Variants in MME observed in about 807,000 individuals in gnomAD.
MME encodes membrane metalloendopeptidase.
Under a neutral mutation model 113.2 loss-of-function variants are expected in MME, and 98 were observed. The observed-to-expected ratio is 0.87, with a 90% CI of 0.74 to 1.02. The LOEUF is 1.02. MME is among the 50% of genes least tolerant of loss of function. The pLI is 0.00. For synonymous variants in MME, 292 were observed against 300.6 expected (o/e 0.97, Z 0.30); for missense variants, 836 against 896.0 (o/e 0.93, Z 0.86).
At chr3:155,080,030 G>C (rs1714974659), upstream of MME, 2 of 152,474 alleles carry the variant, frequency 1.3e-5, no homozygotes, top group African/African-American at 4.8e-5. Flanking sequence ...AGCTGAGGGA[G>C]AAAGGTCCAA....
intron 1 of MME, among the ~76,000 whole-genome samples, chr3:155,042,763 T>C (rs1368988930): frequency 6.6e-6 from 1 of 151,476 alleles, no homozygotes; most frequent in Non-Finnish European, 1.5e-5. Flanking sequence ...TGAAAGTATC[T>C]TTTCATGTTT....
rs1451085211 is a variant in MME, at chr3:155,085,087, A to C, written c.189A>C (p.Ile63=). ...DDGICKSSDC[I]KSAARLIQNM... ...GTATTTGCAAGTCATCAGACTGCAT[A>C]AAATCAGGTAAGAAATGGTTTTTAC... The change falls in exon 3 of 23, where the codon ATA becomes ATC. Residue 63 remains isoleucine (I), a synonymous_variant. Transcript: ENST00000360490. The C allele has an allele frequency of 4.4e-6, 7 of 1,583,660 alleles. No homozygotes were observed. The highest frequency in any genetic ancestry group is 6.1e-6 in the Non-Finnish European group (7 of 1,156,394).
intron 16 of MME, among the ~76,000 whole-genome samples, chr3:155,149,084 T>C (rs1025470880): frequency 1.3e-5 from 2 of 152,142 alleles, no homozygotes; most frequent in African/African-American, 4.8e-5. Context: ...TCATAGATAG[T>C]TAATGTAAGA....
intron 9 of MME, among the ~76,000 whole-genome samples, chr3:155,139,974 T>G (rs1400236856): frequency 6.6e-6 from 1 of 152,158 alleles, no homozygotes; most frequent in African/African-American, 2.4e-5. Flanking sequence ...AATTTTAAAC[T>G]TGACCCCACA....
At chr3:155,091,193 G>C (rs1157944418) in intron 3 of MME, among the ~76,000 whole-genome samples, 2 of 152,168 alleles carry the variant, frequency 1.3e-5, no homozygotes. Context: ...AATTTGCTTT[G>C]TGTGGCTTCC....
intron 16 of MME, among the ~76,000 whole-genome samples, chr3:155,157,704 G>A (rs987123549): frequency 1.3e-5 from 2 of 151,996 alleles, no homozygotes; most frequent in Non-Finnish European, 2.9e-5. Flanking sequence ...TTATTACCAG[G>A]GACAAAATGT....
chr3:155,081,195 A>C (rs936188003), intron 1 of MME: 1 of 152,236 alleles, frequency 6.6e-6, no homozygotes, highest in Non-Finnish European at 1.5e-5. Context: ...AGCTTCAGGA[A>C]CCTGCAGATA....
chr3:155,094,067 A>G (rs1055205605), intron 3 of MME, among the ~76,000 whole-genome samples: 3 of 152,214 alleles, frequency 2.0e-5, no homozygotes, highest in African/African-American at 7.2e-5. Flanking sequence ...TAGGTTAATA[A>G]TCAGATGAAT....
At chr3:155,118,692 A>T in intron 7 of MME, 54 bp from the exon 8 acceptor site, 1 of 1,213,826 alleles carries the variant, frequency 8.2e-7, no homozygotes, top group Non-Finnish European at 1.2e-6. Context: ...GTATTTTTCA[A>T]ACTTTTCTAT....
At chr3:155,174,652 C>T (rs775551120) in intron 22 of MME, among the ~76,000 whole-genome samples, 5 of 151,832 alleles carry the variant, frequency 3.3e-5, no homozygotes, top group Non-Finnish European at 5.9e-5. Flanking sequence ...TTTAAATAGC[C>T]ATAGTATTAA....
chr3:155,062,024 A>G (rs781022757), intron 1 of MME, among the ~76,000 whole-genome samples: 2 of 152,146 alleles, frequency 1.3e-5, no homozygotes, highest in Non-Finnish European at 2.9e-5. Flanking sequence ...TGCAAATAAC[A>G]GCAGTTTTAT....
chr3:155,117,915 A>G (rs1718765298), intron 7 of MME, among the ~76,000 whole-genome samples: 1 of 152,092 alleles, frequency 6.6e-6, no homozygotes, highest in African/African-American at 2.4e-5. Context: ...CACAGCTGCT[A>G]GGATTCTCTC....
intron 8 of MME, 32 bp from the exon 9 acceptor site, chr3:155,138,070 T>A: frequency 6.2e-7 from 1 of 1,612,294 alleles, no homozygotes; most frequent in Non-Finnish European, 8.5e-7. Flanking sequence ...TTAGAGCTAC[T>A]CCAACAGTTT....
intron 1 of MME, among the ~76,000 whole-genome samples, chr3:155,055,028 T>C (rs769364053): frequency 2.0e-5 from 3 of 152,200 alleles, no homozygotes; most frequent in Admixed American, 6.5e-5. Flanking sequence ...TGTATGGTAA[T>C]ATATCATGTG....
intron 1 of MME, among the ~76,000 whole-genome samples, chr3:155,063,998 G>C (rs1714299678): frequency 1.3e-5 from 2 of 151,836 alleles, no homozygotes; most frequent in African/African-American, 4.8e-5. Flanking sequence ...CTCATAAGAA[G>C]TGAAAGAGAA....
intron 9 of MME, among the ~76,000 whole-genome samples, chr3:155,138,556 G>A (rs992525220): frequency 6.6e-6 from 1 of 152,124 alleles, no homozygotes; most frequent in African/African-American, 2.4e-5. Flanking sequence ...CAGACTCAGA[G>A]CAAATGCAAA....
chr3:155,061,340 A>G (rs1714136729), intron 1 of MME, among the ~76,000 whole-genome samples: 1 of 151,350 alleles, frequency 6.6e-6, no homozygotes, highest in Non-Finnish European at 1.5e-5. Flanking sequence ...AGTCCCAGCT[A>G]CTTGGGAGGC....
chr3:155,124,469 C>T (rs953243606), intron 8 of MME, among the ~76,000 whole-genome samples: 10 of 152,242 alleles, frequency 6.6e-5, no homozygotes, highest in East Asian at 3.9e-4. Context: ...TGAGGAACTG[C>T]GTTCCTTTGG....
chr3:155,107,352 CAAAAAAA>C (rs199544238), intron 3 of MME, among the ~76,000 whole-genome samples: 1 of 70,498 alleles, frequency 1.4e-5, no homozygotes, highest in Non-Finnish European at 2.8e-5. Context: ...GACTCTGTCT[CAAAAAAA>C]AAAAAAAAAA....
Sources: allele counts gnomAD v4.1 joint callset (sites outside exome capture counted in the v4.1 genomes callset), GRCh38; gene constraint gnomAD v4.1.1; transcripts MANE v1.5; gene names NCBI Gene and HGNC (gene_info 2026-07-23, HGNC 2026-07-21).